Variants in SPTBN1 observed in about 807,000 individuals in gnomAD.
The protein encoded by SPTBN1 is spectrin beta chain, non-erythrocytic 1.
In SPTBN1, 32 loss-of-function variants were observed where a neutral mutation model predicts 266.4. The ratio of observed to expected loss-of-function variants is 0.12; its 90% CI spans 0.09 to 0.16. The LOEUF is 0.16. Ranked by LOEUF, SPTBN1 falls within the 10% of genes least tolerant of loss-of-function variation. The pLI is 1.00. For missense variants in SPTBN1, 2,296 were observed against 3,067.1 expected (o/e 0.75, Z 5.94); for synonymous variants, 1,336 against 1,162.2 (o/e 1.15, Z -3.04).
chr2:54,513,723 C>CATCA (rs1357891591), intron 1 of SPTBN1, among the ~76,000 whole-genome samples: 3 of 152,158 alleles, frequency 2.0e-5, no homozygotes, highest in Non-Finnish European at 4.4e-5. Flanking sequence ...AACCAGAAGA[C>CATCA]ATCAGTTAAT....
intron 3 of SPTBN1, among the ~76,000 whole-genome samples, chr2:54,607,413 A>T (rs1252535484): frequency 6.6e-6 from 1 of 152,234 alleles, no homozygotes; most frequent in Non-Finnish European, 1.5e-5. Flanking sequence ...ATTTGAGATC[A>T]GGAGTTCAAG....
chr2:54,655,682 G>C (rs1680602802), intron 28 of SPTBN1, among the ~76,000 whole-genome samples: 1 of 152,208 alleles, frequency 6.6e-6, no homozygotes, highest in African/African-American at 2.4e-5. Context: ...GCCTCCTCAC[G>C]ACAAAACAGC....
intron 8 of SPTBN1, 56 bp from the exon 9 acceptor site, chr2:54,622,244 G>C (rs765441456): frequency 3.2e-6 from 5 of 1,572,628 alleles, no homozygotes; most frequent in Non-Finnish European, 3.5e-6. Context: ...GGTTACAATC[G>C]TATTTAACTT....
At chr2:54,468,947 A>G (rs1693778498) in intron 1 of SPTBN1, among the ~76,000 whole-genome samples, 1 of 152,240 alleles carries the variant, frequency 6.6e-6, no homozygotes, top group Non-Finnish European at 1.5e-5. Context: ...TAAGTGTAAT[A>G]AATTTTACTG....
chr2:54,549,635 C>G (rs1449539115), intron 2 of SPTBN1, among the ~76,000 whole-genome samples: 1 of 152,196 alleles, frequency 6.6e-6, no homozygotes, highest in Non-Finnish European at 1.5e-5. Context: ...ATAAGCAATG[C>G]TCTCATAGAG....
intron 10 of SPTBN1, 30 bp from the exon 11 acceptor site, chr2:54,624,774 T>TTG (rs747824330): frequency 3.3e-5 from 54 of 1,612,480 alleles, no homozygotes; most frequent in Middle Eastern, 1.6e-4. Flanking sequence ...GAAACTGTGT[T>TTG]TGTGTGTGTG....
chr2:54,621,520 G>A lies in SPTBN1; in HGVS notation c.876+8G>A, dbSNP rs371041913. ...GGAAAACGAATTGGAAAGGTGAGCTGGTGCCAATTTTGTGAGTTGTGAGAC... is the reference window on the plus strand; with the variant it reads ...GGAAAACGAATTGGAAAGGTGAGCTAGTGCCAATTTTGTGAGTTGTGAGAC... On this transcript the variant is annotated splice_region_variant and intron_variant, in intron 8 of 35. Transcript: ENST00000356805. 23 of 1,607,360 alleles carry A rather than the reference G, an allele frequency of 1.4e-5. No homozygotes were observed. Among genetic ancestry groups the A allele is most frequent in the Admixed American group, 8.3e-5 (5 of 60,008 alleles).
rs774460941 is a variant in SPTBN1 at position 54,670,790 on chromosome 2, C to T, written c.*2221C>T. The T allele has an allele frequency of 2.5e-6, 1 of 398,326 alleles. No individual in the cohort carries two copies. Among genetic ancestry groups the T allele is most frequent in the African/African-American group, 2.1e-5 (1 of 48,506 alleles). The allele number at this position is 398,326 out of a possible 1,614,324, so 24.7% of individuals were successfully genotyped here. A position where few individuals can be genotyped will look rare whatever the true frequency, so the allele number is the denominator to read the frequency against. ...GCCAGGGTTTGGTGGTATTTGCTCT[C>T]TCTTGGTGCATTTGATAAGGATCCA... On this transcript the variant is annotated 3_prime_UTR_variant, in exon 36 of 36. Transcript: ENST00000356805.
intron 1 of SPTBN1, among the ~76,000 whole-genome samples, chr2:54,473,799 A>G (rs1243860588): frequency 6.6e-6 from 1 of 152,264 alleles, no homozygotes; most frequent in Non-Finnish European, 1.5e-5. Flanking sequence ...TCTGAATTAG[A>G]AAAACATTCA....
At chr2:54,658,717 T>G (rs1243589710) in intron 30 of SPTBN1, among the ~76,000 whole-genome samples, 2 of 152,346 alleles carry the variant, frequency 1.3e-5, no homozygotes, top group African/African-American at 4.8e-5. Context: ...TTTTAATGTG[T>G]TGTTTGGGTT....
intron 17 of SPTBN1, among the ~76,000 whole-genome samples, chr2:54,633,301 T>C (rs1330986419): frequency 6.6e-6 from 1 of 152,250 alleles, no homozygotes; most frequent in Non-Finnish European, 1.5e-5. Flanking sequence ...ATCTTTTTCA[T>C]GATGGAGAGG....
rs573827506 is a variant in SPTBN1, at chr2:54,533,142, A to G, written c.148+6576A>G. Among the ~76,000 whole-genome samples, 1 of 152,192 alleles carries G rather than the reference A, an allele frequency of 6.6e-6. No individual in the cohort carries two copies. Among genetic ancestry groups the G allele is most frequent in the Non-Finnish European group, 1.5e-5 (1 of 68,040 alleles). On this transcript the variant is annotated intron_variant, in intron 2 of 35. Transcript: ENST00000356805. The surrounding 1 kb of genome is among the most constrained non-coding windows in gnomAD (Gnocchi z 4.2). The stretch of plus-strand genomic sequence containing the variant: ...TAAGTGACTAACAGGGAGCGTCTGC[A>G]GTGTGTGTCTGCTGGACAAAGGGAT...
Position 54,629,238 on chromosome 2 carries a change from G to T in SPTBN1, c.2104G>T (p.Glu702Ter). Residue 702 changes from glutamate (E) to a stop codon, truncating the protein, a stop_gained, in exon 14 of 36, where the codon GAA (glutamate) becomes TAA (stop). Coordinates refer to ENST00000356805, the MANE Select transcript of SPTBN1 (RefSeq NM_003128.3). LOFTEE classifies it high-confidence loss of function. ...GHFEQAIKEG[E>*]DMIAEEHFGS... ...CTTTGAGCAGGCCATCAAGGAAGGC[G>T]AAGACATGATCGCGGAGGAGCACTT... 1 of 1,613,974 alleles carries T rather than the reference G, an allele frequency of 6.2e-7. No individual in the cohort carries two copies. Among genetic ancestry groups the T allele is most frequent in the Non-Finnish European group, 8.5e-7 (1 of 1,180,036 alleles).
At chr2:54,661,457 G>C in intron 32 of SPTBN1, 1 of 985,574 alleles carries the variant, frequency 1.0e-6, no homozygotes, top group South Asian at 4.7e-5. Flanking sequence ...TCTTTTGTCA[G>C]GATAACGTCA....
intron 9 of SPTBN1, among the ~76,000 whole-genome samples, chr2:54,622,853 AAGGCAATAGCCC>A (rs1678085652): frequency 6.6e-6 from 1 of 152,240 alleles, no homozygotes; most frequent in Non-Finnish European, 1.5e-5. Flanking sequence ...AGATGGGACT[AAGGCAATAGCCC>A]ATAAGCCCAG....
At chr2:54,539,954 C>T (rs753947043) in intron 2 of SPTBN1, among the ~76,000 whole-genome samples, 65 of 152,182 alleles carry the variant, frequency 4.3e-4, no homozygotes, top group Non-Finnish European at 7.6e-4. Context: ...AGGTCTTTGG[C>T]GGGTAATTAG....
At chr2:54,509,036 T>A (rs1232224915) in intron 1 of SPTBN1, among the ~76,000 whole-genome samples, 1 of 152,152 alleles carries the variant, frequency 6.6e-6, no homozygotes, top group Non-Finnish European at 1.5e-5. Context: ...GTTAAGGCAG[T>A]GAGTTCAGCT....
At chr2:54,486,313 A>G (rs1430558620) in intron 1 of SPTBN1, among the ~76,000 whole-genome samples, 1 of 151,998 alleles carries the variant, frequency 6.6e-6, no homozygotes, top group African/African-American at 2.4e-5. Context: ...GAGAAATCGG[A>G]TGGTTGCCGT....
At position 54,645,876 on chromosome 2, in the gene SPTBN1, G is replaced by A. The variant is rs374892689; in HGVS notation, c.4495-52G>A. 1.8e-5 allele frequency: 28 copies of A among 1,593,144 alleles called. No homozygotes were observed. Among genetic ancestry groups the A allele is most frequent in the Middle Eastern group, 1.7e-4 (1 of 6,046 alleles). On this transcript the variant is annotated intron_variant, in intron 21 of 35. Coordinates refer to ENST00000356805, the MANE Select transcript of SPTBN1 (RefSeq NM_003128.3). This position sits in a 1 kb window ranked among gnomAD's most constrained non-coding sequence, Gnocchi z 4.3. The stretch of plus-strand genomic sequence containing the variant: ...CTGCCCCTCACTGCTCGTTTGTGTC[G>A]TATATTTGTTCCTCTGAGTGGATCT...
Sources: gnomAD v4.1 joint callset for allele counts (sites outside exome capture counted in the v4.1 genomes callset) on GRCh38, gnomAD v4.1.1 for gene constraint, Gnocchi (gnomAD v3.1) non-coding constraint, MANE v1.5 for transcripts, NCBI Gene and HGNC (gene_info 2026-07-23, HGNC 2026-07-21) for gene names.